Variants in FER observed in about 807,000 individuals in gnomAD.
The protein encoded by FER is tyrosine-protein kinase Fer.
FER carries 63 observed loss-of-function variants against 111.0 expected under a neutral mutation model. The ratio of observed to expected loss-of-function variants is 0.57; its 90% confidence interval spans 0.46 to 0.70. The LOEUF is 0.70. Among genes scored for constraint, FER ranks in the 30% least tolerant of loss-of-function variants. The probability of loss-of-function intolerance (pLI) is 0.00; values close to 1 mark genes in which losing one functional copy is unlikely to be tolerated. For synonymous variants in FER, 327 were observed against 313.9 expected, an observed-to-expected ratio of 1.04 and a Z score of -0.44; for missense variants, 914 against 954.0, an observed-to-expected ratio of 0.96 and a Z score of 0.55.
chr5:108,867,640 TA>T, intron 5 of FER, 126 bp from the exon 6 acceptor site: 1 of 880,790 alleles, frequency 1.1e-6, no homozygotes, highest in Non-Finnish European at 1.8e-6. Flanking sequence ...ATGTGTTCAA[TA>T]AAATTTTTTT....
At chr5:109,129,806 G>C (rs1458658232) in intron 17 of FER, among the ~76,000 whole-genome samples, 4 of 151,934 alleles carry the variant, frequency 2.6e-5, no homozygotes, top group African/African-American at 7.2e-5. Context: ...CAACTCCTAA[G>C]AGTTTGTCTT....
chr5:109,084,957 A>C (rs955358487), intron 16 of FER, among the ~76,000 whole-genome samples: 23 of 151,902 alleles, frequency 1.5e-4, no homozygotes, highest in African/African-American at 5.3e-4. Flanking sequence ...TCCTGAAACC[A>C]AAAACCGTAC....
intron 13 of FER, among the ~76,000 whole-genome samples, chr5:108,975,949 T>C (rs1761278611): frequency 1.3e-5 from 2 of 152,156 alleles, no homozygotes. Context: ...ATGCTAAGTT[T>C]TACATATATG....
At chr5:108,782,629 T>A (rs979106390) in intron 2 of FER, 4 of 152,190 alleles carry the variant, frequency 2.6e-5, no homozygotes, top group East Asian at 1.9e-4. Context: ...TCCTTTTGAG[T>A]TAAATTTTTG....
chr5:108,815,898 G>A (rs1176387815), intron 3 of FER, among the ~76,000 whole-genome samples: 1 of 152,042 alleles, frequency 6.6e-6, no homozygotes, highest in Non-Finnish European at 1.5e-5. Flanking sequence ...TGGCTATAGA[G>A]CCACTTCTGC....
At chr5:108,824,821 G>T (rs1316119859) in intron 3 of FER, among the ~76,000 whole-genome samples, 1 of 152,016 alleles carries the variant, frequency 6.6e-6, no homozygotes, top group African/African-American at 2.4e-5. Flanking sequence ...CGATAATCAC[G>T]TAGGTTCTTT....
At chr5:108,877,430 A>G (rs959792870) in intron 8 of FER, among the ~76,000 whole-genome samples, 3 of 152,228 alleles carry the variant, frequency 2.0e-5, no homozygotes, top group Non-Finnish European at 4.4e-5. Flanking sequence ...AGTGGGTATT[A>G]GGAGGTGACT....
chr5:108,885,656 C>T (rs1220772953), intron 9 of FER, among the ~76,000 whole-genome samples: 2 of 151,686 alleles, frequency 1.3e-5, no homozygotes, highest in African/African-American at 2.4e-5. Flanking sequence ...TGGCACTAAT[C>T]CCATTGATAA....
chr5:108,824,377 A>G (rs1282825106), intron 3 of FER, among the ~76,000 whole-genome samples: 1 of 151,776 alleles, frequency 6.6e-6, no homozygotes, highest in African/African-American at 2.4e-5. Context: ...TTCAATCTGT[A>G]GATTGTTTTG....
At chr5:109,095,901 G>A (rs1747451264) in intron 16 of FER, among the ~76,000 whole-genome samples, 1 of 151,920 alleles carries the variant, frequency 6.6e-6, no homozygotes, top group East Asian at 1.9e-4. Flanking sequence ...CTAAAAACAA[G>A]GGTAATTAAT....
At chr5:108,789,109 A>G (rs1371054978) in intron 2 of FER, among the ~76,000 whole-genome samples, 1 of 152,260 alleles carries the variant, frequency 6.6e-6, no homozygotes, top group Admixed American at 6.5e-5. Context: ...TGTACAAATC[A>G]TAAGTGTTCA....
chr5:109,108,336 GTA>G (rs1473538827), intron 17 of FER, among the ~76,000 whole-genome samples: 2 of 152,116 alleles, frequency 1.3e-5, no homozygotes, highest in Non-Finnish European at 2.9e-5. Context: ...ATTAAACTAT[GTA>G]TTAGATATAT....
intron 13 of FER, among the ~76,000 whole-genome samples, chr5:108,977,805 A>G (rs1250796358): frequency 1.3e-5 from 2 of 152,150 alleles, no homozygotes; most frequent in Admixed American, 6.6e-5. Flanking sequence ...TGAGGCCTTC[A>G]GCAATGTGGG....
chr5:108,777,173 T>G (rs1038782671), intron 2 of FER, among the ~76,000 whole-genome samples: 2 of 152,234 alleles, frequency 1.3e-5, no homozygotes, highest in African/African-American at 4.8e-5. Context: ...TCTTTATAGT[T>G]ATAAATTGTA....
chr5:109,058,789 A>G (rs1773995742), intron 16 of FER, among the ~76,000 whole-genome samples: 1 of 131,758 alleles, frequency 7.6e-6, no homozygotes, highest in African/African-American at 3.0e-5. Flanking sequence ...CGGGAGTGCA[A>G]CTGTGCGATC....
chr5:108,975,168 T>C (rs1346266877), intron 13 of FER, among the ~76,000 whole-genome samples: 1 of 152,026 alleles, frequency 6.6e-6, no homozygotes, highest in East Asian at 1.9e-4. Context: ...AACCAAACAC[T>C]GCATGTTCTC....
chr5:108,904,660 T>A (rs1174341497), intron 10 of FER, among the ~76,000 whole-genome samples: 1 of 152,220 alleles, frequency 6.6e-6, no homozygotes, highest in Non-Finnish European at 1.5e-5. Flanking sequence ...AAATACATCT[T>A]CAGTGAAAAT....
intron 3 of FER, among the ~76,000 whole-genome samples, chr5:108,801,978 T>C (rs1255264570): frequency 1.3e-5 from 2 of 152,208 alleles, no homozygotes; most frequent in African/African-American, 4.8e-5. Context: ...ATGATTCATA[T>C]CCTGGGCAGG....
At chr5:108,920,376 T>G (rs1326412965) in intron 10 of FER, among the ~76,000 whole-genome samples, 1 of 152,156 alleles carries the variant, frequency 6.6e-6, no homozygotes, top group Non-Finnish European at 1.5e-5. Flanking sequence ...ACAGTTCATT[T>G]GCATGAATAA....
Sources: allele counts gnomAD v4.1 joint callset (sites outside exome capture counted in the v4.1 genomes callset), GRCh38; gene constraint gnomAD v4.1.1; transcripts MANE v1.5; gene names NCBI Gene and HGNC (gene_info 2026-07-23, HGNC 2026-07-21).